Variants in BCL2L12 observed in about 807,000 individuals in gnomAD.
BCL2L12 encodes the protein BCL2 like 12.
In BCL2L12, 27 loss-of-function variants were observed where a neutral mutation model predicts 25.7. The observed-to-expected ratio is 1.05, with a 90% CI of 0.78 to 1.45. BCL2L12 has a LOEUF of 1.45. Ranked by LOEUF, BCL2L12 falls within the 40% of genes most tolerant of loss-of-function variation. The pLI, the probability that BCL2L12 is intolerant of heterozygous loss-of-function variation, is 0.00. For missense variants in BCL2L12, 302 were observed against 329.8 expected (o/e 0.92, Z 0.65); for synonymous variants, 132 against 145.6 (o/e 0.91, Z 0.67).
chr19:49,670,118 C>G, intron 5 of BCL2L12, 98 bp from the exon 6 acceptor site: 1 of 1,465,970 alleles, frequency 6.8e-7, no homozygotes, highest in Non-Finnish European at 9.1e-7. Flanking sequence ...ACCTTAGCAT[C>G]TAGAACGATC....
rs2081732523 is a variant in BCL2L12, at chr19:49,666,028, C to T, written c.-48C>T. 1 of 1,572,696 alleles carries T rather than the reference C, an allele frequency of 6.4e-7. No individual in the cohort carries two copies. Among genetic ancestry groups the T allele is most frequent in the Non-Finnish European group, 8.6e-7 (1 of 1,157,080 alleles). ...TGTACGAGTTCAGTGGAGGAGACCG[C>T]AAGTTGAGTGGAGGAGGCGGCGGTG... On this transcript the variant is annotated 5_prime_UTR_variant, in exon 1 of 7. Transcript: ENST00000246784.
At position 49,669,125 on chromosome 19, in the gene BCL2L12, A is replaced by G; in HGVS notation, c.429+10A>G. On this transcript the variant is annotated intron_variant, in intron 5 of 6. Coordinates refer to ENST00000246784, the MANE Select transcript of BCL2L12 (RefSeq NM_138639.2). ...AGTCATTAACCAGAAGGTGATGGGC[A>G]TCTGTCCCACTCCTTGGCAAGGACA... 2 of 1,613,382 alleles carry G rather than the reference A, an allele frequency of 1.2e-6. No individual in the cohort carries two copies. Among genetic ancestry groups the G allele is most frequent in the Non-Finnish European group, 1.7e-6 (2 of 1,179,732 alleles).
In BCL2L12 at chr19:49,672,566, GGGA is replaced by G. The variant is rs2081982541; in HGVS notation, c.703-1126_703-1124del. On this transcript the variant is annotated intron_variant, in intron 6 of 6. Coordinates refer to ENST00000246784, the MANE Select transcript of BCL2L12 (RefSeq NM_138639.2). The surrounding 1 kb of genome is among the most constrained non-coding windows in gnomAD (Gnocchi z 4.1). ...GGGCGAGGGCAGAAGTAGGGGCACA[GGGA>G]GGAGGTGAGTGGATCTCACCCAAGT... Among the ~76,000 whole-genome samples, 1 of 152,230 alleles carries G rather than the reference GGGA, an allele frequency of 6.6e-6. No homozygotes were observed. The highest frequency in any genetic ancestry group is 6.5e-5 in the Admixed American group (1 of 15,284).
At position 49,673,909 on chromosome 19, in the gene BCL2L12, A is replaced by G. The variant is rs367715574; in HGVS notation, c.*161A>G. On this transcript the variant is annotated 3_prime_UTR_variant, in exon 7 of 7. Coordinates refer to ENST00000246784, the MANE Select transcript of BCL2L12 (RefSeq NM_138639.2). The stretch of plus-strand genomic sequence containing the variant: ...TAAAACTTTTCTTATTAAAAACGTT[A>G]CAAAGTATTCAATTGTCTGTTCTTA... The G allele has an allele frequency of 2.0e-4, 147 of 732,850 alleles. 1 individual carries two copies. The South Asian group carries it at 2.4e-3, about 12-fold the overall frequency. 45.4% of individuals were successfully genotyped at this position (732,850 alleles called of 1,614,324 possible).
chr19:49,669,536 TAAA>T (rs57156182), intron 5 of BCL2L12, among the ~76,000 whole-genome samples: 3 of 132,674 alleles, frequency 2.3e-5, no homozygotes, highest in Non-Finnish European at 3.3e-5. Flanking sequence ...ACTCTGTCTT[TAAA>T]AAAAAAAAAA....
intron 5 of BCL2L12, 89 bp from the exon 6 acceptor site, chr19:49,670,127 T>G: frequency 6.7e-7 from 1 of 1,498,820 alleles, no homozygotes; most frequent in South Asian, 1.2e-5. Flanking sequence ...TCTAGAACGA[T>G]CCTGAACCGG....
chr19:49,667,538 AG>A (rs1302438446), intron 3 of BCL2L12, among the ~76,000 whole-genome samples: 1 of 152,162 alleles, frequency 6.6e-6, no homozygotes, highest in Non-Finnish European at 1.5e-5. Context: ...CCAATAGCAG[AG>A]TAGGAATTGG....
Position 49,670,297 on chromosome 19 carries a change from A to T in BCL2L12, c.511A>T (p.Ser171Cys). The T allele has an allele frequency of 6.2e-7, 1 of 1,610,678 alleles. No individual in the cohort carries two copies. The highest frequency in any genetic ancestry group is 1.1e-5 in the South Asian group (1 of 90,842). ...CGCCCGCCTGGTGGAGCTGTTCTGT[A>T]GCCGGGATGACAGCTCTCGCCCAAG... ...SFARLVELFC[S>C]RDDSSRPSRA... Residue 171 changes from serine to cysteine, a missense_variant, in exon 6 of 7, where the codon AGC (serine) becomes TGC (cysteine). Transcript: ENST00000246784.
rs201856594 is a variant in BCL2L12 at position 49,668,801 on chromosome 19, C to T, written c.251-50C>T. The T allele has an allele frequency of 5.0e-5, 76 of 1,535,162 alleles. No homozygotes were observed. In the East Asian group the frequency reaches 5.2e-4, roughly 11 times the overall value. On this transcript the variant is annotated intron_variant, in intron 3 of 6. Coordinates refer to ENST00000246784, the MANE Select transcript of BCL2L12 (RefSeq NM_138639.2). ...AGGTAGTTGGGGGAAGGAGAGAATCCGTAAGTTTCCAATGTCCTGGAAACC... is the reference window on the plus strand; with the variant it reads ...AGGTAGTTGGGGGAAGGAGAGAATCTGTAAGTTTCCAATGTCCTGGAAACC...
In BCL2L12 at chr19:49,667,464, C is replaced by T. The variant is rs143027981; in HGVS notation, c.250+303C>T. ...GAAGGGCTGGTTTTCAATCACATCT[C>T]CCTGGCTGTTTTAGTTGCGTGACTC... On this transcript the variant is annotated intron_variant, in intron 3 of 6. Transcript: ENST00000246784. Among the ~76,000 whole-genome samples, 276 of 152,282 alleles carry T rather than the reference C, an allele frequency of 1.8e-3. 1 individual carries two copies. The highest frequency in any genetic ancestry group is 0.017 in the Middle Eastern group (5 of 294).
chr19:49,671,368 C>A (rs2081958504), intron 6 of BCL2L12, among the ~76,000 whole-genome samples: 1 of 152,132 alleles, frequency 6.6e-6, no homozygotes, highest in African/African-American at 2.4e-5. Context: ...ATTGCTTGAA[C>A]CTGGGAGGCA....
At chr19:49,668,742 T>C (rs2081882950) in intron 3 of BCL2L12, 109 bp from the exon 4 acceptor site, 5 of 1,087,296 alleles carry the variant, frequency 4.6e-6, no homozygotes, top group Non-Finnish European at 6.7e-6. Flanking sequence ...CATAAATAAA[T>C]AATAAATAAA....
chr19:49,671,253 A>C (rs760312105), intron 6 of BCL2L12, among the ~76,000 whole-genome samples: 2 of 152,144 alleles, frequency 1.3e-5, no homozygotes, highest in Non-Finnish European at 2.9e-5. Context: ...ACTTGAGGTC[A>C]GGAGTTTGAG....
At chr19:49,667,580 C>T (rs1420009263) in intron 3 of BCL2L12, among the ~76,000 whole-genome samples, 1 of 152,102 alleles carries the variant, frequency 6.6e-6, no homozygotes, top group African/African-American at 2.4e-5. Context: ...ATCAAGGTGA[C>T]CCACAAGTTT....
At position 49,668,870 on chromosome 19, in the gene BCL2L12, C is replaced by G. The variant is rs151271269; in HGVS notation, c.270C>G (p.Phe90Leu). The G allele has an allele frequency of 2.8e-5, 45 of 1,613,204 alleles. No individual in the cohort carries two copies. The African/African-American group carries it at 5.7e-4, about 21-fold the overall frequency. The change falls in exon 4 of 7, where the codon TTC (phenylalanine) becomes TTG (leucine). Residue 90 changes from phenylalanine to leucine, a missense_variant. By Grantham distance (22) the Phe-to-Leu change is conservative (BLOSUM62 0). Coordinates refer to ENST00000246784, the MANE Select transcript of BCL2L12 (RefSeq NM_138639.2). ...CCCCAGGCCCAGCTACTCCAGACTT[C>G]TATGCTTTGGTGGCCCAGCGGCTGG... ...GLEPGPATPD[F>L]YALVAQRLEQ... is the part of the protein sequence containing the mutation.
At chr19:49,670,550 G>A (rs1328680832) in intron 6 of BCL2L12, 62 bp downstream of exon 6, 2 of 1,511,586 alleles carry the variant, frequency 1.3e-6, no homozygotes, top group African/African-American at 1.4e-5. Flanking sequence ...TGATAGAGGA[G>A]GGGCGGGGAC....
intron 6 of BCL2L12, 123 bp downstream of exon 6, chr19:49,670,611 G>C (rs2081942274): frequency 1.5e-6 from 2 of 1,320,580 alleles, no homozygotes; most frequent in Non-Finnish European, 2.0e-6. Flanking sequence ...CACTGCGTTC[G>C]TTCTGTTGAG....
In BCL2L12 at chr19:49,673,723, T is replaced by A. The variant is rs1311818212; in HGVS notation, c.728T>A (p.Val243Glu). Residue 243 changes from valine to glutamate, a missense_variant, in exon 7 of 7, where the codon GTG (valine) becomes GAG (glutamate). By Grantham distance (121) the Val-to-Glu change is moderately radical (BLOSUM62 -2). Coordinates refer to ENST00000246784, the MANE Select transcript of BCL2L12 (RefSeq NM_138639.2). ...GAGGGCATCCTGGCTGTTTCACCCG[T>A]GGACTTGAACTTGCCATTGGACTGA... ...GWEGILAVSP[V>E]DLNLPLD The A allele has an allele frequency of 3.1e-6, 5 of 1,614,178 alleles. No individual in the cohort carries two copies. Among genetic ancestry groups the A allele is most frequent in the Non-Finnish European group, 4.2e-6 (5 of 1,180,016 alleles).
intron 6 of BCL2L12, among the ~76,000 whole-genome samples, chr19:49,673,403 C>A (rs1183018653): frequency 6.6e-6 from 1 of 152,036 alleles, no homozygotes; most frequent in Non-Finnish European, 1.5e-5. Flanking sequence ...CCAAGACTCT[C>A]TTCCCCATCT....
Sources: gnomAD v4.1 joint callset for allele counts (sites outside exome capture counted in the v4.1 genomes callset) on GRCh38, gnomAD v4.1.1 for gene constraint, Gnocchi (gnomAD v3.1) non-coding constraint, MANE v1.5 for transcripts, NCBI Gene and HGNC (gene_info 2026-07-23, HGNC 2026-07-21) for gene names.